LPP: variants seen among roughly 807,000 people sequenced by gnomAD.
The protein encoded by LPP is LIM domain containing preferred translocation partner in lipoma.
Under a neutral mutation model 60.4 loss-of-function variants are expected in LPP, and 38 were observed. The observed-to-expected ratio is 0.63, with a 90% confidence interval of 0.49 to 0.83. The LOEUF is 0.83. Ranked by LOEUF, LPP falls within the 40% of genes least tolerant of loss-of-function variation. The probability of loss-of-function intolerance (pLI) is 0.00; values close to 1 mark genes in which losing one functional copy is unlikely to be tolerated. For missense variants in LPP, 902 were observed against 783.6 expected (o/e 1.15, Z -1.80); for synonymous variants, 328 against 290.8 (o/e 1.13, Z -1.30).
At chr3:188,240,888 A>C (rs967443035) in intron 2 of LPP, among the ~76,000 whole-genome samples, 3 of 152,318 alleles carry the variant, frequency 2.0e-5, no homozygotes, top group East Asian at 3.9e-4. Context: ...TGCTCTGAAA[A>C]AGTTCCGTGT....
intron 2 of LPP, among the ~76,000 whole-genome samples, chr3:188,317,791 G>C (rs995325146): frequency 1.8e-5 from 1 of 56,842 alleles, no homozygotes; most frequent in Non-Finnish European, 2.7e-5. Flanking sequence ...TTGAATTGGG[G>C]GGAAAAATGA....
At chr3:188,605,510 A>G (rs1422178163) in intron 6 of LPP, among the ~76,000 whole-genome samples, 1 of 152,178 alleles carries the variant, frequency 6.6e-6, no homozygotes, top group Non-Finnish European at 1.5e-5. Context: ...AAGCAGACAC[A>G]TGAAATAGAC....
chr3:188,782,461 G>A (rs1370214901), intron 9 of LPP, among the ~76,000 whole-genome samples: 1 of 151,992 alleles, frequency 6.6e-6, no homozygotes, highest in Non-Finnish European at 1.5e-5. Context: ...TTAATAAAAG[G>A]GAATACTTAT....
At chr3:188,508,932 G>A (rs1467051945) in intron 5 of LPP, among the ~76,000 whole-genome samples, 2 of 152,158 alleles carry the variant, frequency 1.3e-5, no homozygotes, top group African/African-American at 2.4e-5. Context: ...GGGTGAGGCC[G>A]ATGGGTTTGT....
intron 3 of LPP, among the ~76,000 whole-genome samples, chr3:188,346,566 AAGTAGT>A (rs912187361): frequency 1.3e-5 from 2 of 151,980 alleles, no homozygotes; most frequent in African/African-American, 4.8e-5. Context: ...GCCTGGCCTA[AAGTAGT>A]AGTTCTTAAT....
chr3:188,201,069 C>T lies in LPP; in HGVS notation c.-189-24336C>T, dbSNP rs1730954779. On this transcript the variant is annotated intron_variant, in intron 1 of 11. Transcript: ENST00000617246. Reference sequence around the variant, plus strand: ...GCAATTTTCCAGTTCAGTTTAATCTCCTCCTGGGAGTCATACCCTAGGACA... The same window carrying T: ...GCAATTTTCCAGTTCAGTTTAATCTTCTCCTGGGAGTCATACCCTAGGACA... Among the ~76,000 whole-genome samples, 5 of 152,266 alleles carry T rather than the reference C, an allele frequency of 3.3e-5. No individual in the cohort carries two copies. In the South Asian group the frequency reaches 1.0e-3, roughly 32 times the overall value.
chr3:188,556,679 A>C (rs969388080), intron 6 of LPP, among the ~76,000 whole-genome samples: 2 of 151,704 alleles, frequency 1.3e-5, no homozygotes, highest in Non-Finnish European at 2.9e-5. Context: ...AATTACTTCC[A>C]CATAGTTCTC....
At chr3:188,824,991 A>T (rs900817246) in intron 9 of LPP, among the ~76,000 whole-genome samples, 4 of 152,152 alleles carry the variant, frequency 2.6e-5, no homozygotes, top group African/African-American at 4.8e-5. Context: ...AATTCATCTT[A>T]CGTGACCAAG....
At chr3:188,577,740 CCTTT>C (rs1168310618) in intron 6 of LPP, among the ~76,000 whole-genome samples, 8 of 92,758 alleles carry the variant, frequency 8.6e-5, no homozygotes, top group African/African-American at 2.7e-4. Context: ...TTCCTTCCTT[CCTTT>C]GTTCCTTCGT....
chr3:188,878,759 TAA>T lies in LPP; in HGVS notation c.*4295_*4296del, dbSNP rs11448997. ...ATATACTCACCAAAAAGTAAAAAAG[TAA>T]AAAAAAAAAAAAAAGAAAGAAAGAA... On this transcript the variant is annotated 3_prime_UTR_variant, in exon 12 of 12. Transcript: ENST00000617246. 2.0e-3 allele frequency: 306 copies of T among 156,044 alleles called. No individual in the cohort carries two copies. The highest frequency in any genetic ancestry group is 6.5e-3 in the East Asian group (64 of 9,892). The allele number at this position is 156,044 out of a possible 1,614,324, so 9.7% of individuals were successfully genotyped here.
chr3:188,502,808 GA>G (rs1002377251), intron 5 of LPP, among the ~76,000 whole-genome samples: 1 of 151,906 alleles, frequency 6.6e-6, no homozygotes, highest in Non-Finnish European at 1.5e-5. Context: ...CAGACAGTTG[GA>G]AAAAAATCAC....
At chr3:188,487,598 G>A (rs1178611733) in intron 5 of LPP, among the ~76,000 whole-genome samples, 1 of 152,196 alleles carries the variant, frequency 6.6e-6, no homozygotes, top group East Asian at 1.9e-4. Context: ...CGCTTCATAT[G>A]GAAGATTGTT....
intron 6 of LPP, among the ~76,000 whole-genome samples, chr3:188,525,906 G>A (rs1484008322): frequency 2.0e-5 from 3 of 152,060 alleles, no homozygotes; most frequent in Non-Finnish European, 4.4e-5. Flanking sequence ...GCCTACTTTG[G>A]AGCTTGGCTA....
At chr3:188,826,330 A>G (rs1755476487) in intron 9 of LPP, among the ~76,000 whole-genome samples, 1 of 152,300 alleles carries the variant, frequency 6.6e-6, no homozygotes, top group Middle Eastern at 3.4e-3. Context: ...AGATCCTGTT[A>G]TCCTCGTGTC....
intron 2 of LPP, among the ~76,000 whole-genome samples, chr3:188,311,499 A>G (rs1753414930): frequency 1.3e-5 from 2 of 151,904 alleles, no homozygotes; most frequent in Non-Finnish European, 2.9e-5. Context: ...AAACTAAACT[A>G]AACTAAACTA....
chr3:188,715,044 G>GA (rs2149785607), intron 8 of LPP, among the ~76,000 whole-genome samples: 1 of 152,144 alleles, frequency 6.6e-6, no homozygotes, highest in South Asian at 2.1e-4. Flanking sequence ...TAGACAACTA[G>GA]AAAAATATGT....
chr3:188,636,372 G>A (rs1291034887), intron 7 of LPP, among the ~76,000 whole-genome samples: 1 of 152,184 alleles, frequency 6.6e-6, no homozygotes, highest in Non-Finnish European at 1.5e-5. Flanking sequence ...GGTGCACCAC[G>A]AGATTATATC....
At chr3:188,755,859 A>C (rs1730045421) in intron 8 of LPP, among the ~76,000 whole-genome samples, 1 of 119,098 alleles carries the variant, frequency 8.4e-6, no homozygotes, top group Non-Finnish European at 1.7e-5. Context: ...AAAAAAAAAA[A>C]AAAAAACAAA....
intron 8 of LPP, among the ~76,000 whole-genome samples, chr3:188,755,791 C>A (rs1729947691): frequency 2.4e-5 from 2 of 83,254 alleles, no homozygotes; most frequent in Admixed American, 1.8e-4. Context: ...GCCTGGGCAA[C>A]AGAGTGAGAT....
Sources: gnomAD v4.1 joint callset for allele counts (sites outside exome capture counted in the v4.1 genomes callset) on GRCh38, gnomAD v4.1.1 for gene constraint, MANE v1.5 for transcripts, NCBI Gene and HGNC (gene_info 2026-07-23, HGNC 2026-07-21) for gene names.